PKN2: variants seen among roughly 807,000 people sequenced by gnomAD.
PKN2 encodes protein kinase N2.
In PKN2, 38 loss-of-function variants were observed where a neutral mutation model predicts 119.1. That is an observed-to-expected ratio of 0.32 (90% CI 0.25 to 0.42). The LOEUF is 0.42. Ranked by LOEUF, PKN2 falls within the 10% of genes least tolerant of loss-of-function variation. PKN2 has a pLI of 1.00. For missense variants in PKN2, 850 were observed against 1,165.1 expected, an observed-to-expected ratio of 0.73 and a Z score of 3.94; for synonymous variants, 390 against 384.9, an observed-to-expected ratio of 1.01 and a Z score of -0.15.
intron 8 of PKN2, among the ~76,000 whole-genome samples, chr1:88,795,413 C>T (rs1017638802): frequency 6.6e-6 from 1 of 152,162 alleles, no homozygotes; most frequent in Non-Finnish European, 1.5e-5. Context: ...TATTTTGCTT[C>T]GTCCTAGCTC....
rs1407576280 is a variant in PKN2 at position 88,805,690 on chromosome 1, A to C, written c.1676+19A>C. On this transcript the variant is annotated intron_variant, in intron 11 of 21. Coordinates refer to ENST00000370521, the MANE Select transcript of PKN2 (RefSeq NM_006256.4). ...CAGCTAGGTATGTGTCTGAGATTTT[A>C]AGCATCTCTTATACAAAGTTATTGG... 1.9e-6 allele frequency: 3 copies of C among 1,612,598 alleles called. No homozygotes were observed. The African/African-American group carries it at 4.0e-5, about 22-fold the overall frequency.
chr1:88,778,238 T>C (rs1014069870), intron 6 of PKN2, among the ~76,000 whole-genome samples: 2 of 152,260 alleles, frequency 1.3e-5, no homozygotes, highest in African/African-American at 4.8e-5. Flanking sequence ...TCCTTAATCT[T>C]GGCAAAATAA....
intron 1 of PKN2, among the ~76,000 whole-genome samples, chr1:88,729,327 C>A (rs966680292): frequency 6.6e-6 from 1 of 152,172 alleles, no homozygotes; most frequent in African/African-American, 2.4e-5. Flanking sequence ...AGTACAATAG[C>A]CTCTTTATTA....
intron 1 of PKN2, among the ~76,000 whole-genome samples, chr1:88,722,160 G>A (rs540293575): frequency 6.6e-6 from 1 of 152,286 alleles, no homozygotes; most frequent in African/African-American, 2.4e-5. Context: ...AAGCACATAA[G>A]ATTATAAGAA....
chr1:88,696,890 T>C (rs1666562620), intron 1 of PKN2, among the ~76,000 whole-genome samples: 1 of 152,206 alleles, frequency 6.6e-6, no homozygotes, highest in Non-Finnish European at 1.5e-5. Flanking sequence ...CTCTGGAATA[T>C]TAAAACTATT....
At chr1:88,722,082 T>A (rs546147589) in intron 1 of PKN2, among the ~76,000 whole-genome samples, 1 of 152,240 alleles carries the variant, frequency 6.6e-6, no homozygotes, top group African/African-American at 2.4e-5. Context: ...TGGTAGGCTC[T>A]AGTACTTGTC....
At chr1:88,828,968 A>G (rs752962240) in intron 19 of PKN2, 15 of 635,850 alleles carry the variant, frequency 2.4e-5, no homozygotes, top group Non-Finnish European at 4.2e-5. Context: ...AAAGCCCACT[A>G]TAGATTGGTC....
Position 88,684,291 on chromosome 1 carries a change from C to A in PKN2, c.-290C>A. 1 of 346,036 alleles carries A rather than the reference C, an allele frequency of 2.9e-6. No homozygotes were observed. Among genetic ancestry groups the A allele is most frequent in the Non-Finnish European group, 5.2e-6 (1 of 190,526 alleles). 21.4% of individuals were successfully genotyped at this position (346,036 alleles called of 1,614,324 possible). On this transcript the variant is annotated 5_prime_UTR_variant, in exon 1 of 22. Coordinates refer to ENST00000370521, the MANE Select transcript of PKN2 (RefSeq NM_006256.4). ...TGCAGCCGCGGCCGCAGCGCCCGCA[C>A]GGAGAGGCTTGAGGCGGCTCCTGGC...
chr1:88,783,570 C>CT (rs1166398978), intron 6 of PKN2, among the ~76,000 whole-genome samples: 4 of 152,146 alleles, frequency 2.6e-5, no homozygotes, highest in African/African-American at 9.7e-5. Flanking sequence ...CAATTTAAAA[C>CT]TTTAAGTAAA....
chr1:88,797,001 T>TA (rs1265709020), intron 8 of PKN2, among the ~76,000 whole-genome samples: 3 of 150,726 alleles, frequency 2.0e-5, no homozygotes, highest in Admixed American at 6.6e-5. Context: ...CCCAAATAGA[T>TA]ACAGGTCAGA....
intron 4 of PKN2, 147 bp from the exon 5 acceptor site, chr1:88,771,274 A>T (rs1031321211): frequency 3.9e-6 from 2 of 510,738 alleles, no homozygotes; most frequent in Non-Finnish European, 6.8e-6. Flanking sequence ...TTTCAATATC[A>T]TATCAAATAT....
At chr1:88,755,587 C>A (rs531466022) in intron 2 of PKN2, among the ~76,000 whole-genome samples, 4 of 152,150 alleles carry the variant, frequency 2.6e-5, no homozygotes, top group African/African-American at 9.6e-5. Flanking sequence ...TTAGCTGAGC[C>A]CTGACTTGTA....
intron 8 of PKN2, among the ~76,000 whole-genome samples, chr1:88,803,056 C>G (rs1671386928): frequency 6.6e-6 from 1 of 152,154 alleles, no homozygotes; most frequent in South Asian, 2.1e-4. Context: ...CCCATCCCTT[C>G]TATATGCCAT....
At chr1:88,775,980 C>T (rs895249277) in intron 6 of PKN2, among the ~76,000 whole-genome samples, 1 of 151,876 alleles carries the variant, frequency 6.6e-6, no homozygotes, top group African/African-American at 2.4e-5. Context: ...TGGTGGCAGG[C>T]CCCTGTAGTC....
intron 15 of PKN2, among the ~76,000 whole-genome samples, chr1:88,812,700 C>T (rs1671825965): frequency 3.3e-5 from 5 of 152,104 alleles, no homozygotes; most frequent in Admixed American, 3.3e-4. Flanking sequence ...GATATCACTG[C>T]ACTCCAGCTC....
chr1:88,685,019 CT>C, intron 1 of PKN2: 1 of 203,464 alleles, frequency 4.9e-6, no homozygotes, highest in Non-Finnish European at 1.0e-5. Context: ...CCCGCCCCGC[CT>C]TTCCTCCGTA....
At chr1:88,788,281 A>C (rs558907987) in intron 8 of PKN2, among the ~76,000 whole-genome samples, 2 of 152,308 alleles carry the variant, frequency 1.3e-5, no homozygotes, top group South Asian at 4.1e-4. Flanking sequence ...AGGACGCAAC[A>C]CAGTCTTTTG....
intron 1 of PKN2, among the ~76,000 whole-genome samples, chr1:88,712,205 G>A (rs1182183986): frequency 6.6e-6 from 1 of 152,042 alleles, no homozygotes; most frequent in Non-Finnish European, 1.5e-5. Context: ...TAAACTGAGA[G>A]CTAAGCCACC....
chr1:88,786,031 A>T, intron 7 of PKN2, 73 bp from the exon 8 acceptor site: 2 of 829,936 alleles, frequency 2.4e-6, no homozygotes, highest in Non-Finnish European at 4.0e-6. Flanking sequence ...TTTTATTGCT[A>T]ATCAAACAGC....
Sources: allele counts gnomAD v4.1 joint callset (sites outside exome capture counted in the v4.1 genomes callset), GRCh38; gene constraint gnomAD v4.1.1; transcripts MANE v1.5; gene names NCBI Gene and HGNC (gene_info 2026-07-23, HGNC 2026-07-21).